The following SLC38A10 variants were observed in gnomAD, a reference collection of about 807,000 sequenced individuals.
The protein encoded by SLC38A10 is solute carrier family 38 member 10, also known as Sodium-coupled neutral amino acid transporter 10.
A neutral mutation model predicts 81.0 loss-of-function variants in SLC38A10; 53 were observed. That is an observed-to-expected ratio of 0.65 (90% CI 0.53 to 0.82). The LOEUF (loss-of-function observed/expected upper bound fraction) is 0.82. SLC38A10 is among the 40% of genes least tolerant of loss of function. SLC38A10 has a pLI of 0.00. For missense variants in SLC38A10, 1,471 were observed against 1,545.0 expected (o/e 0.95, Z 0.80); for synonymous variants, 665 against 655.3 (o/e 1.01, Z -0.23).
chr17:81,268,923 CA>C lies in SLC38A10; in HGVS notation c.1131+1994del, dbSNP rs369721062. Reference sequence around the variant, plus strand: ...CATGAATATAATGGACTAGAGAAATCAAAAGAAAAGGGATGAAACAAGCTAT... The same window carrying C: ...CATGAATATAATGGACTAGAGAAATCAAAGAAAAGGGATGAAACAAGCTAT... On this transcript the variant is annotated intron_variant, in intron 10 of 15. Coordinates refer to ENST00000374759, the MANE Select transcript of SLC38A10 (RefSeq NM_001037984.3). Among the ~76,000 whole-genome samples, 340 of 152,140 alleles carry C rather than the reference CA, an allele frequency of 2.2e-3. 4 individuals carry two copies. The highest frequency in any genetic ancestry group is 7.9e-3 in the African/African-American group (328 of 41,514).
chr17:81,271,949 G>T (rs915495775), intron 9 of SLC38A10, among the ~76,000 whole-genome samples: 2 of 151,634 alleles, frequency 1.3e-5, no homozygotes, highest in African/African-American at 4.8e-5. Flanking sequence ...GGATGGTTTC[G>T]ATCTCCTGAC....
Position 81,295,027 on chromosome 17 carries a change from G to A in SLC38A10, c.-106C>T. ...CACGGTCACAGGTCCCAACGTCCGGGACGCCGGTGGGGAGGGGATGGGCAG... is the reference window on the plus strand; with the variant it reads ...CACGGTCACAGGTCCCAACGTCCGGAACGCCGGTGGGGAGGGGATGGGCAG... On this transcript the variant is annotated 5_prime_UTR_variant, in exon 1 of 16. Coordinates refer to ENST00000374759, the MANE Select transcript of SLC38A10 (RefSeq NM_001037984.3). The A allele has an allele frequency of 4.3e-6, 6 of 1,380,832 alleles. No homozygotes were observed. The highest frequency in any genetic ancestry group is 5.7e-6 in the Non-Finnish European group (6 of 1,061,764). 85.5% of individuals were successfully genotyped at this position (1,380,832 alleles called of 1,614,324 possible).
chr17:81,259,250 G>A (rs565889481), intron 11 of SLC38A10, among the ~76,000 whole-genome samples: 4 of 152,236 alleles, frequency 2.6e-5, no homozygotes, highest in African/African-American at 9.6e-5. Context: ...CTCCATAGCC[G>A]CCTGAGACCC....
At chr17:81,264,353 G>C (rs938023938) in intron 10 of SLC38A10, 1 of 152,368 alleles carries the variant, frequency 6.6e-6, no homozygotes. Flanking sequence ...CAGACACCTG[G>C]TTTCAGAGCA....
intron 9 of SLC38A10, 83 bp from the exon 10 acceptor site, chr17:81,271,107 G>C: frequency 2.7e-6 from 3 of 1,130,168 alleles, no homozygotes; most frequent in Non-Finnish European, 3.9e-6. Context: ...CTGCACACGG[G>C]TGAGCAAGCC....
intron 9 of SLC38A10, among the ~76,000 whole-genome samples, chr17:81,272,186 T>C (rs1056849663): frequency 6.6e-6 from 1 of 151,920 alleles, no homozygotes; most frequent in Non-Finnish European, 1.5e-5. Context: ...GCATGCACCA[T>C]GACGCCCTGC....
In SLC38A10 at chr17:81,282,510, C is replaced by T. The variant is rs1052881612; in HGVS notation, c.358-178G>A. ...GAAGCCGCTCTCACAGCCACTGTGC[C>T]GTGTGCAGCCTCGGACACTGGGTAT... On this transcript the variant is annotated intron_variant, in intron 4 of 15. Transcript: ENST00000374759. 8.5e-5 allele frequency among the ~76,000 whole-genome samples: 13 copies of T among 152,342 alleles called. No homozygotes were observed. The East Asian group carries it at 1.9e-3, about 23-fold the overall frequency.
intron 14 of SLC38A10, 162 bp downstream of exon 14, chr17:81,251,331 G>T (rs1283764896): frequency 1.2e-6 from 2 of 1,612,838 alleles, no homozygotes; most frequent in African/African-American, 2.7e-5. Context: ...CTGATGGGAA[G>T]GGAGCAGAAA....
intron 11 of SLC38A10, among the ~76,000 whole-genome samples, chr17:81,255,868 G>C (rs545680813): frequency 1.3e-5 from 2 of 152,192 alleles, no homozygotes; most frequent in Non-Finnish European, 2.9e-5. Flanking sequence ...CTGTATTCTC[G>C]GCTACTCAGA....
intron 1 of SLC38A10, among the ~76,000 whole-genome samples, chr17:81,292,445 CA>C: frequency 6.6e-6 from 1 of 150,912 alleles, no homozygotes; most frequent in East Asian, 1.9e-4. Context: ...ATAAATATAT[CA>C]AAACTACTAA....
chr17:81,292,195 T>C (rs1370268148), intron 1 of SLC38A10, among the ~76,000 whole-genome samples: 1 of 152,112 alleles, frequency 6.6e-6, no homozygotes, highest in Non-Finnish European at 1.5e-5. Context: ...TGGCGCGATC[T>C]TGGCTCACTG....
chr17:81,260,219 A>T lies in SLC38A10; in HGVS notation c.1288+19T>A. The T allele has an allele frequency of 6.3e-7, 1 of 1,589,694 alleles. No individual in the cohort carries two copies. Among genetic ancestry groups the T allele is most frequent in the Non-Finnish European group, 8.6e-7 (1 of 1,168,864 alleles). On this transcript the variant is annotated intron_variant, in intron 11 of 15. Coordinates refer to ENST00000374759, the MANE Select transcript of SLC38A10 (RefSeq NM_001037984.3). Reference sequence around the variant, plus strand: ...GGGCACTTGCCCTGAGAAGGCTCAGAGAGCCAGGGTGGGCATACCTGAGAG... The same window carrying T: ...GGGCACTTGCCCTGAGAAGGCTCAGTGAGCCAGGGTGGGCATACCTGAGAG...
In SLC38A10 at chr17:81,276,013, G is replaced by A. The variant is rs2063158040; in HGVS notation, c.868C>T (p.Leu290=). The part of the protein sequence containing the change: ...SVAVGFPMMI[L]PCRQALSTLL... ...GTGCTCAGGGCCTGCCTGCATGGCA[G>A]GATCATCATGGGGAAGCCCACAGCC... The change falls in exon 8 of 16, where the codon CTG becomes TTG. Residue 290 remains leucine, a synonymous_variant. Coordinates refer to ENST00000374759, the MANE Select transcript of SLC38A10 (RefSeq NM_001037984.3). This position sits in a 1 kb window ranked among gnomAD's most constrained non-coding sequence, Gnocchi z 4.7. The A allele has an allele frequency of 6.2e-7, 1 of 1,613,632 alleles. No individual in the cohort carries two copies. The highest frequency in any genetic ancestry group is 1.3e-5 in the African/African-American group (1 of 74,946).
At chr17:81,262,561 CA>C (rs1264574995) in intron 10 of SLC38A10, among the ~76,000 whole-genome samples, 2 of 151,864 alleles carry the variant, frequency 1.3e-5, no homozygotes, top group African/African-American at 4.8e-5. Context: ...AGAGAAGCTA[CA>C]AAAAAAAATT....
At chr17:81,287,317 A>G (rs986020855) in intron 2 of SLC38A10, among the ~76,000 whole-genome samples, 1 of 152,286 alleles carries the variant, frequency 6.6e-6, no homozygotes, top group African/African-American at 2.4e-5. Flanking sequence ...CGTCCCAGGG[A>G]AAGTCAGTCT....
chr17:81,252,091 G>A, intron 13 of SLC38A10, 104 bp downstream of exon 13: 1 of 1,439,070 alleles, frequency 6.9e-7, no homozygotes, highest in Non-Finnish European at 9.2e-7. Flanking sequence ...TGCAGGGAGA[G>A]AGACTGGGGA....
chr17:81,258,571 G>A (rs1393475121), intron 11 of SLC38A10, among the ~76,000 whole-genome samples: 3 of 151,814 alleles, frequency 2.0e-5, no homozygotes, highest in South Asian at 2.1e-4. Flanking sequence ...TCCACTCCCC[G>A]GCAGCCTGCT....
chr17:81,280,928 C>T (rs1208586364), intron 5 of SLC38A10, among the ~76,000 whole-genome samples, 195 bp from the exon 6 acceptor site: 1 of 152,040 alleles, frequency 6.6e-6, no homozygotes, highest in East Asian at 1.9e-4. Context: ...CCGCGCCTTT[C>T]TGGATTCCCA....
rs557944586 is a variant in SLC38A10, at chr17:81,277,954, C to T, written c.627-821G>A. On this transcript the variant is annotated intron_variant, in intron 6 of 15. Coordinates refer to ENST00000374759, the MANE Select transcript of SLC38A10 (RefSeq NM_001037984.3). The surrounding 1 kb of genome is among the most constrained non-coding windows in gnomAD (Gnocchi z 4.5). ...TCTGGAGTGGGAGTCCAGGGGGGTG[C>T]TCCTAGGGTGTCCAGGTGGCCATGG... Among the ~76,000 whole-genome samples, 1 of 151,594 alleles carries T rather than the reference C, an allele frequency of 6.6e-6. No individual in the cohort carries two copies. The highest frequency in any genetic ancestry group is 2.1e-4 in the South Asian group (1 of 4,808).
Sources: gnomAD v4.1 joint callset for allele counts (sites outside exome capture counted in the v4.1 genomes callset) on GRCh38, gnomAD v4.1.1 for gene constraint, Gnocchi (gnomAD v3.1) non-coding constraint, MANE v1.5 for transcripts, NCBI Gene and HGNC (gene_info 2026-07-23, HGNC 2026-07-21) for gene names.